ALK: variants seen among roughly 807,000 people sequenced by gnomAD.
ALK encodes ALK tyrosine kinase receptor.
A neutral mutation model predicts 163.1 loss-of-function variants in ALK; 74 were observed. The ratio of observed to expected loss-of-function variants is 0.45; its 90% CI spans 0.38 to 0.55. ALK has a LOEUF of 0.55. Ranked by LOEUF, ALK falls within the 20% of genes least tolerant of loss-of-function variation. The pLI is 0.00. For missense variants in ALK, 2,063 were observed against 2,105.3 expected, an observed-to-expected ratio of 0.98 and a Z score of 0.39; for synonymous variants, 960 against 843.2, an observed-to-expected ratio of 1.14 and a Z score of -2.40.
intron 5 of ALK, among the ~76,000 whole-genome samples, chr2:29,333,230 C>A (rs901991613): frequency 6.6e-6 from 1 of 152,172 alleles, no homozygotes; most frequent in Non-Finnish European, 1.5e-5. Context: ...ATTCTCCTGC[C>A]TCAGCCTCCC....
chr2:29,807,159 C>T (rs1310713261), intron 1 of ALK, among the ~76,000 whole-genome samples: 3 of 152,194 alleles, frequency 2.0e-5, no homozygotes, highest in African/African-American at 7.2e-5. Context: ...TCAGGTGCTA[C>T]CAAGAGCTCG....
chr2:29,566,946 A>C (rs751249732), intron 3 of ALK, among the ~76,000 whole-genome samples: 1 of 152,252 alleles, frequency 6.6e-6, no homozygotes, highest in Non-Finnish European at 1.5e-5. Flanking sequence ...AATAAGCATC[A>C]AAACATTAAA....
chr2:29,604,497 C>T (rs1459731434), intron 3 of ALK, among the ~76,000 whole-genome samples: 2 of 152,062 alleles, frequency 1.3e-5, no homozygotes, highest in African/African-American at 4.8e-5. Flanking sequence ...AACTCATGGC[C>T]CAGAATCTAA....
In ALK at chr2:29,697,543, C is replaced by T. The variant is rs551544942; in HGVS notation, c.788-2529G>A. On this transcript the variant is annotated intron_variant, in intron 2 of 28. Transcript: ENST00000389048. ...GAAGAACTTTGCCATGGCGGGCTCTCAAAGCTGGCTTATGGATTAACAGAA... is the reference window on the plus strand; with the variant it reads ...GAAGAACTTTGCCATGGCGGGCTCTTAAAGCTGGCTTATGGATTAACAGAA... Among the ~76,000 whole-genome samples, 5 of 152,268 alleles carry T rather than the reference C, an allele frequency of 3.3e-5. 1 individual carries two copies. Among genetic ancestry groups the T allele is most frequent in the African/African-American group, 9.6e-5 (4 of 41,556 alleles).
At chr2:29,297,621 A>G (rs1308302601) in intron 8 of ALK, among the ~76,000 whole-genome samples, 4 of 152,254 alleles carry the variant, frequency 2.6e-5, no homozygotes, top group Non-Finnish European at 2.9e-5. Context: ...AAGGCCAGAC[A>G]AAAATCTACA....
chr2:29,322,581 C>T (rs1667094446), intron 6 of ALK, among the ~76,000 whole-genome samples: 2 of 152,240 alleles, frequency 1.3e-5, no homozygotes, highest in Admixed American at 1.3e-4. Flanking sequence ...CGCCTGCAAT[C>T]CCAGCACTTT....
chr2:29,398,899 C>T (rs1429595778), intron 4 of ALK, among the ~76,000 whole-genome samples: 1 of 152,146 alleles, frequency 6.6e-6, no homozygotes. Context: ...CGCTGGTGGC[C>T]TCTGCTCCAA....
chr2:29,814,976 AAATGAATGAATG>A (rs34886147), intron 1 of ALK, among the ~76,000 whole-genome samples: 3 of 142,122 alleles, frequency 2.1e-5, no homozygotes, highest in Non-Finnish European at 4.5e-5. Flanking sequence ...ATTTAATCTG[AAATGAATGAATG>A]AATGAATGAA....
Position 29,239,619 on chromosome 2 carries a change from C to T in ALK, c.2355+61G>A, listed in dbSNP as rs1347914155. 4.4e-6 allele frequency: 7 copies of T among 1,604,252 alleles called. No homozygotes were observed. The East Asian group carries it at 1.6e-4, about 36-fold the overall frequency. On this transcript the variant is annotated intron_variant, in intron 13 of 28. Coordinates refer to ENST00000389048, the MANE Select transcript of ALK (RefSeq NM_004304.5). ...GGAGGGTGTTGAGTGTTGGTGCCTCCAAGAGGCCTTCCCGGGGCCTGACAG... is the reference window on the plus strand; with the variant it reads ...GGAGGGTGTTGAGTGTTGGTGCCTCTAAGAGGCCTTCCCGGGGCCTGACAG...
intron 3 of ALK, among the ~76,000 whole-genome samples, chr2:29,675,303 G>A (rs1281222928): frequency 2.0e-5 from 3 of 151,972 alleles, no homozygotes; most frequent in African/African-American, 2.4e-5. Flanking sequence ...CCAGTTCACT[G>A]TTGATGCACA....
At chr2:29,222,698 T>C in intron 20 of ALK, 91 bp from the exon 21 acceptor site, 2 of 1,112,898 alleles carry the variant, frequency 1.8e-6, no homozygotes, top group Non-Finnish European at 2.7e-6. Flanking sequence ...TCACATTTAG[T>C]GGACAAACAC....
intron 5 of ALK, among the ~76,000 whole-genome samples, chr2:29,345,056 T>C (rs898571139): frequency 2.6e-5 from 4 of 152,172 alleles, no homozygotes; most frequent in African/African-American, 4.8e-5. Context: ...GAAACTGAAA[T>C]AGCTTTTGCA....
chr2:29,240,277 C>T (rs1045865150), intron 12 of ALK, among the ~76,000 whole-genome samples: 11 of 152,080 alleles, frequency 7.2e-5, no homozygotes, highest in African/African-American at 2.4e-4. Flanking sequence ...GATCAATGGA[C>T]TCATGTGACC....
intron 3 of ALK, among the ~76,000 whole-genome samples, chr2:29,655,987 C>G (rs768294626): frequency 5.9e-5 from 9 of 152,064 alleles, no homozygotes; most frequent in African/African-American, 9.7e-5. Context: ...ACATCTTTCT[C>G]TAAGAAGGTA....
At chr2:29,255,040 C>T (rs1051214392) in intron 11 of ALK, among the ~76,000 whole-genome samples, 1 of 152,196 alleles carries the variant, frequency 6.6e-6, no homozygotes, top group African/African-American at 2.4e-5. Flanking sequence ...GTGTCAGACC[C>T]ATGATTTATC....
chr2:29,423,332 T>C (rs1208400756), intron 4 of ALK, among the ~76,000 whole-genome samples: 2 of 152,228 alleles, frequency 1.3e-5, no homozygotes, highest in African/African-American at 4.8e-5. Flanking sequence ...TGTACCAAGA[T>C]TGAAACCCCA....
chr2:29,665,803 C>G (rs966700852), intron 3 of ALK, among the ~76,000 whole-genome samples: 2 of 152,044 alleles, frequency 1.3e-5, no homozygotes, highest in African/African-American at 4.8e-5. Context: ...TTGGAACCTA[C>G]GTAGACTTGC....
At chr2:29,201,601 A>G (rs1212413276) in intron 26 of ALK, among the ~76,000 whole-genome samples, 2 of 152,104 alleles carry the variant, frequency 1.3e-5, no homozygotes, top group Non-Finnish European at 2.9e-5. Context: ...AGCCTGGCCA[A>G]CGTGGTGAAA....
At chr2:29,354,701 A>C (rs1420364025) in intron 5 of ALK, among the ~76,000 whole-genome samples, 3 of 152,038 alleles carry the variant, frequency 2.0e-5, no homozygotes, top group Non-Finnish European at 4.4e-5. Flanking sequence ...CTTTCCTGGC[A>C]CATGTAGCTT....
Sources: gnomAD v4.1 joint callset for allele counts (sites outside exome capture counted in the v4.1 genomes callset) on GRCh38, gnomAD v4.1.1 for gene constraint, MANE v1.5 for transcripts, NCBI Gene and HGNC (gene_info 2026-07-23, HGNC 2026-07-21) for gene names.